Variants in MSH4 observed in about 807,000 individuals in gnomAD.
MSH4 encodes mutS homolog 4.
MSH4 carries 106 observed loss-of-function variants against 113.7 expected under a neutral mutation model. That is an observed-to-expected ratio of 0.93 (90% CI 0.80 to 1.10). The LOEUF (loss-of-function observed/expected upper bound fraction) is 1.10. Ranked by LOEUF, MSH4 falls within the 50% of genes least tolerant of loss-of-function variation. The pLI, the probability that MSH4 is intolerant of heterozygous loss-of-function variation, is 0.00. For synonymous variants in MSH4, 368 were observed against 380.2 expected, an observed-to-expected ratio of 0.97 and a Z score of 0.37; for missense variants, 1,061 against 1,093.7, an observed-to-expected ratio of 0.97 and a Z score of 0.42.
intron 8 of MSH4, among the ~76,000 whole-genome samples, chr1:75,865,323 G>A (rs1651539362): frequency 6.6e-6 from 1 of 151,904 alleles, no homozygotes; most frequent in South Asian, 2.1e-4. Flanking sequence ...TTCATAGTTA[G>A]TGTTTGCTCT....
At chr1:75,892,262 A>G (rs1486053952) in intron 17 of MSH4, among the ~76,000 whole-genome samples, 2 of 152,154 alleles carry the variant, frequency 1.3e-5, no homozygotes, top group Non-Finnish European at 2.9e-5. Context: ...GAGTTGTACC[A>G]TTGGCTCTCC....
At chr1:75,862,723 C>T (rs1311830688) in intron 8 of MSH4, among the ~76,000 whole-genome samples, 1 of 152,090 alleles carries the variant, frequency 6.6e-6, no homozygotes, top group African/African-American at 2.4e-5. Flanking sequence ...TAATTGAATA[C>T]AGTATTTACT....
intron 6 of MSH4, among the ~76,000 whole-genome samples, chr1:75,819,804 G>A (rs944037986): frequency 4.8e-4 from 73 of 152,074 alleles, no homozygotes; most frequent in Non-Finnish European, 2.1e-4. Flanking sequence ...TCCGCCTCCC[G>A]GGTTCAAGTG....
At chr1:75,853,822 C>T (rs903628947) in intron 8 of MSH4, among the ~76,000 whole-genome samples, 3 of 151,746 alleles carry the variant, frequency 2.0e-5, no homozygotes, top group African/African-American at 7.3e-5. Context: ...TTTTCTGCCT[C>T]AAGAAAATGA....
At chr1:75,797,724 G>C (rs1649848639) in intron 1 of MSH4, among the ~76,000 whole-genome samples, 1 of 152,178 alleles carries the variant, frequency 6.6e-6, no homozygotes, top group Non-Finnish European at 1.5e-5. Flanking sequence ...TTGAGGCCGG[G>C]AGTTCCACAC....
intron 3 of MSH4, among the ~76,000 whole-genome samples, chr1:75,809,460 G>A (rs899986327): frequency 6.6e-6 from 1 of 151,956 alleles, no homozygotes. Context: ...TTAAAAAAAA[G>A]GAATGTTAGA....
chr1:75,859,248 G>A (rs1269445711), intron 8 of MSH4, among the ~76,000 whole-genome samples: 1 of 152,018 alleles, frequency 6.6e-6, no homozygotes, highest in African/African-American at 2.4e-5. Flanking sequence ...AGGGTTTTTT[G>A]TGTCTCTATT....
chr1:75,866,842 A>C (rs928525327), intron 8 of MSH4, among the ~76,000 whole-genome samples: 4 of 152,104 alleles, frequency 2.6e-5, no homozygotes, highest in African/African-American at 9.7e-5. Context: ...AAACATCTTC[A>C]TATCAAGTAC....
Position 75,798,832 on chromosome 1 carries a change from A to C in MSH4, c.244+1603A>C, listed in dbSNP as rs528602640. On this transcript the variant is annotated intron_variant, in intron 1 of 19. Transcript: ENST00000263187. ...CTCAGCCTCCCAAAATGCTGGGATT[A>C]CAGGTGTGAGCCACTGCACCTAGCC... Among the ~76,000 whole-genome samples, 5 of 152,256 alleles carry C rather than the reference A, an allele frequency of 3.3e-5. No individual in the cohort carries two copies. In the South Asian group the frequency reaches 1.0e-3, roughly 32 times the overall value.
rs1417706411 is a variant in MSH4, at chr1:75,879,943, A to G, written c.1678-107A>G. 12 of 633,466 alleles carry G rather than the reference A, an allele frequency of 1.9e-5. No individual in the cohort carries two copies. The East Asian group carries it at 3.6e-4, about 19-fold the overall frequency. The allele number at this position is 633,466 out of a possible 1,614,324, so 39.2% of individuals were successfully genotyped here. ...AACTTTCTTTGTGATACCATATCTC[A>G]AAGAGTAAAATGATTAACCTAAATA... is the stretch of plus-strand genomic sequence containing the variant. On this transcript the variant is annotated intron_variant, in intron 12 of 19. Transcript: ENST00000263187.
intron 1 of MSH4, among the ~76,000 whole-genome samples, chr1:75,800,689 C>A (rs1649915460): frequency 1.3e-5 from 2 of 152,074 alleles, no homozygotes; most frequent in Admixed American, 1.3e-4. Flanking sequence ...TGACAAGGGA[C>A]AAGCTGGTAC....
Position 75,816,514 on chromosome 1 carries a change from C to T in MSH4, c.957C>T (p.Asn319=). 3 of 1,589,384 alleles carry T rather than the reference C, an allele frequency of 1.9e-6. No homozygotes were observed. The highest frequency in any genetic ancestry group is 2.6e-6 in the Non-Finnish European group (3 of 1,165,816). The change falls in exon 6 of 20, where the codon AAC becomes AAT. Residue 319 remains asparagine, a synonymous_variant. Coordinates refer to ENST00000263187, the MANE Select transcript of MSH4 (RefSeq NM_002440.4). ...TGATAGATTCATCATCAGCCCAAAA[C>T]CTTGAATTGTTAATTAATAATCAAG... is the stretch of plus-strand genomic sequence containing the variant. ...TAMIDSSSAQ[N]LELLINNQDY...
At position 75,877,083 on chromosome 1, in the gene MSH4, T is replaced by G. The variant is rs368620574; in HGVS notation, c.1370+83T>G. The G allele has an allele frequency of 9.2e-6, 8 of 866,932 alleles. No homozygotes were observed. In the East Asian group the frequency reaches 2.2e-4, roughly 24 times the overall value. The allele number at this position is 866,932 out of a possible 1,614,324, so 53.7% of individuals were successfully genotyped here. On this transcript the variant is annotated intron_variant, in intron 10 of 19. Coordinates refer to ENST00000263187, the MANE Select transcript of MSH4 (RefSeq NM_002440.4). ...ACTGATTTTAAAGACTCTAATTGTATTCTATGGAACAATTACTTGAGTTTT... is the reference window on the plus strand; with the variant it reads ...ACTGATTTTAAAGACTCTAATTGTAGTCTATGGAACAATTACTTGAGTTTT...
At position 75,822,580 on chromosome 1, in the gene MSH4, A is replaced by G. The variant is rs749533589; in HGVS notation, c.1161A>G (p.Ser387=). 7.7e-6 allele frequency: 11 copies of G among 1,434,954 alleles called. No individual in the cohort carries two copies. The highest frequency in any genetic ancestry group is 9.3e-6 in the Non-Finnish European group (10 of 1,073,428). The allele number at this position is 1,434,954 out of a possible 1,614,324, so 88.9% of individuals were successfully genotyped here. Residue 387 remains serine (S), a splice_region_variant and synonymous_variant, in exon 7 of 20, where the codon TCA becomes TCG. Coordinates refer to ENST00000263187, the MANE Select transcript of MSH4 (RefSeq NM_002440.4). Reference sequence around the variant, plus strand: ...AGGAACTATTTTTTGGACTTCAATCAGGTAAATCAATATTATTTAATATTA... The same window carrying G: ...AGGAACTATTTTTTGGACTTCAATCGGGTAAATCAATATTATTTAATATTA... ...QDEELFFGLQ[S]VISRFLDTEQ... is the part of the protein sequence containing the mutation.
intron 17 of MSH4, among the ~76,000 whole-genome samples, chr1:75,892,379 T>A (rs1039740729): frequency 2.7e-5 from 4 of 146,178 alleles, no homozygotes; most frequent in African/African-American, 7.8e-5. Context: ...ACATACACAC[T>A]CTCTCTCTCT....
At chr1:75,805,896 A>T (rs1650048906) in intron 2 of MSH4, among the ~76,000 whole-genome samples, 1 of 152,136 alleles carries the variant, frequency 6.6e-6, no homozygotes, top group Admixed American at 6.5e-5. Context: ...AATAATCATT[A>T]TCATAATAAA....
At chr1:75,869,251 C>T (rs1237396682) in intron 9 of MSH4, among the ~76,000 whole-genome samples, 1 of 152,066 alleles carries the variant, frequency 6.6e-6, no homozygotes, top group African/African-American at 2.4e-5. Context: ...GAACTTTGAA[C>T]TTGAGAGAGA....
intron 1 of MSH4, among the ~76,000 whole-genome samples, chr1:75,798,800 C>T (rs1649874477): frequency 1.3e-5 from 2 of 152,106 alleles, no homozygotes; most frequent in African/African-American, 4.8e-5. Flanking sequence ...TCAAGCGATC[C>T]TCCTACCTCA....
intron 19 of MSH4, among the ~76,000 whole-genome samples, chr1:75,911,671 A>G (rs5745545): frequency 0.29 from 43,744 of 151,952 alleles, 6,623 homozygotes; most frequent in Middle Eastern, 0.37. Context: ...GGCCTGGAAC[A>G]TAGATGATAG....
Sources: gnomAD v4.1 joint callset for allele counts (sites outside exome capture counted in the v4.1 genomes callset) on GRCh38, gnomAD v4.1.1 for gene constraint, MANE v1.5 for transcripts, NCBI Gene and HGNC (gene_info 2026-07-23, HGNC 2026-07-21) for gene names.